Variants in HGD observed in about 807,000 individuals in gnomAD.
HGD encodes homogentisate 1,2-dioxygenase.
Under a neutral mutation model 60.8 loss-of-function variants are expected in HGD, and 61 were observed. The ratio of observed to expected loss-of-function variants is 1.00; its 90% CI spans 0.82 to 1.24. The LOEUF is 1.24. Among genes scored for constraint, HGD ranks in the 50% most tolerant of loss-of-function variants. The pLI is 0.00. For missense variants in HGD, 542 were observed against 547.1 expected, an observed-to-expected ratio of 0.99 and a Z score of 0.09; for synonymous variants, 212 against 187.7, an observed-to-expected ratio of 1.13 and a Z score of -1.06.
chr3:120,652,583 C>A lies in HGD; in HGVS notation c.342+9G>T, dbSNP rs1941376798. On this transcript the variant is annotated intron_variant, in intron 5 of 13. Coordinates refer to ENST00000283871, the MANE Select transcript of HGD (RefSeq NM_000187.4). ...AGCAGTAGGGAGGGTGTGGATGGGACTGACTTACACTCACAAAGTCTACTT... is the reference window on the plus strand; with the variant it reads ...AGCAGTAGGGAGGGTGTGGATGGGAATGACTTACACTCACAAAGTCTACTT... The A allele has an allele frequency of 6.2e-7, 1 of 1,605,918 alleles. No individual in the cohort carries two copies. Among genetic ancestry groups the A allele is most frequent in the Non-Finnish European group, 8.5e-7 (1 of 1,172,624 alleles).
Position 120,675,837 on chromosome 3 carries a change from A to T in HGD, c.42T>A (p.Cys14Ter). Residue 14 changes from cysteine to a stop codon, truncating the protein, a stop_gained, in exon 2 of 14, where the codon TGT (cysteine) becomes TGA (stop). Coordinates refer to ENST00000283871, the MANE Select transcript of HGD (RefSeq NM_000187.4). LOFTEE classifies it high-confidence loss of function. ...CTGGGCAGCGAGGATCCTCTGAAGA[A>T]CACTCATTCCCAAATCCAGAAATGT... is the stretch of plus-strand genomic sequence containing the variant. ...LKYISGFGNE[C>*]SSEDPRCPGS... 1 of 1,613,658 alleles carries T rather than the reference A, an allele frequency of 6.2e-7. No homozygotes were observed. Among genetic ancestry groups the T allele is most frequent in the Non-Finnish European group, 8.5e-7 (1 of 1,179,618 alleles).
chr3:120,661,063 G>GA (rs1559795280), intron 4 of HGD, among the ~76,000 whole-genome samples: 1 of 152,134 alleles, frequency 6.6e-6, no homozygotes, highest in South Asian at 2.1e-4. Context: ...TTTTAGAAGT[G>GA]AAAAAACTGA....
chr3:120,682,196 A>G lies in HGD; in HGVS notation c.-85T>C. On this transcript the variant is annotated 5_prime_UTR_variant, in exon 1 of 14. Coordinates refer to ENST00000283871, the MANE Select transcript of HGD (RefSeq NM_000187.4). ...ACAATGCTTCTTTCTCCTTCAAACC[A>G]CTCTTTGGATATTCCGGTTCCCACT... The G allele has an allele frequency of 7.5e-7, 1 of 1,339,382 alleles. No individual in the cohort carries two copies. The highest frequency in any genetic ancestry group is 1.1e-6 in the Non-Finnish European group (1 of 930,430). 83.0% of individuals were successfully genotyped at this position (1,339,382 alleles called of 1,614,324 possible).
chr3:120,643,517 A>G (rs1215251175), intron 10 of HGD, among the ~76,000 whole-genome samples: 1 of 152,212 alleles, frequency 6.6e-6, no homozygotes, highest in East Asian at 1.9e-4. Flanking sequence ...TAAGAGAATA[A>G]CAATATGTCT....
At chr3:120,669,600 T>C (rs1214723470) in intron 4 of HGD, among the ~76,000 whole-genome samples, 1 of 152,190 alleles carries the variant, frequency 6.6e-6, no homozygotes, top group East Asian at 1.9e-4. Flanking sequence ...TAACCTACTC[T>C]TGTGCCAATC....
chr3:120,666,958 G>A (rs144707575), intron 4 of HGD, among the ~76,000 whole-genome samples: 3,210 of 152,196 alleles, frequency 0.021, 53 homozygotes, highest in Middle Eastern at 0.051. Context: ...TTAATGATGG[G>A]AGACGTCCAG....
In HGD at chr3:120,633,262, A is replaced by G; in HGVS notation, c.1073T>C (p.Leu358Pro). 6.2e-7 allele frequency: 1 copy of G among 1,614,062 alleles called. No individual in the cohort carries two copies. The highest frequency in any genetic ancestry group is 1.1e-5 in the South Asian group (1 of 91,072). The change falls in exon 13 of 14, where the codon CTG becomes CCG. Residue 358 changes from leucine to proline, a missense_variant. Transcript: ENST00000283871. The part of the protein sequence containing the change: ...GHYEAKQGGF[L>P]PGGGSLHSTM... ...GCTGTGTAGACTCCCTCCCCCTGGC[A>G]GGAACCCACCTTGCTTTGCCTCATA... is the stretch of plus-strand genomic sequence containing the variant.
chr3:120,682,222 G>T lies in HGD; in HGVS notation c.-111C>A. ...CTCTTTGGATATTCCGGTTCCCACT[G>T]CTTCACTGCGCTTCACTGGTCAGTG... On this transcript the variant is annotated 5_prime_UTR_variant, in exon 1 of 14. Transcript: ENST00000283871. 2 of 943,572 alleles carry T rather than the reference G, an allele frequency of 2.1e-6. No homozygotes were observed. Among genetic ancestry groups the T allele is most frequent in the Non-Finnish European group, 3.5e-6 (2 of 572,334 alleles). 58.4% of individuals were successfully genotyped at this position (943,572 alleles called of 1,614,324 possible).
chr3:120,632,715 A>AT (rs1669350793), intron 13 of HGD, among the ~76,000 whole-genome samples: 1 of 152,238 alleles, frequency 6.6e-6, no homozygotes, highest in Admixed American at 6.5e-5. Flanking sequence ...CCAGGGCTGC[A>AT]TAAGGATACA....
chr3:120,649,139 C>CTTTTTTTTTTT (rs10572267), intron 6 of HGD, among the ~76,000 whole-genome samples: 4 of 94,424 alleles, frequency 4.2e-5, no homozygotes, highest in African/African-American at 7.5e-5. Flanking sequence ...TCTTCTTTTT[C>CTTTTTTTTTTT]TTTTTTTTTT....
At chr3:120,661,949 T>C (rs1215286312) in intron 4 of HGD, among the ~76,000 whole-genome samples, 1 of 152,234 alleles carries the variant, frequency 6.6e-6, no homozygotes, top group African/African-American at 2.4e-5. Context: ...CATAGAACCT[T>C]AAATACTCTG....
At chr3:120,672,447 A>T (rs1708043918) in intron 3 of HGD, among the ~76,000 whole-genome samples, 1 of 152,208 alleles carries the variant, frequency 6.6e-6, no homozygotes, top group Non-Finnish European at 1.5e-5. Flanking sequence ...ACGGAAGACC[A>T]GACCTGAATC....
At chr3:120,645,976 A>C (rs1233016719) in intron 9 of HGD, among the ~76,000 whole-genome samples, 1 of 152,164 alleles carries the variant, frequency 6.6e-6, no homozygotes, top group Non-Finnish European at 1.5e-5. Flanking sequence ...ACAGTAACCC[A>C]AACTTCTATA....
At chr3:120,640,573 T>C (rs955813518) in intron 11 of HGD, among the ~76,000 whole-genome samples, 9 of 152,216 alleles carry the variant, frequency 5.9e-5, no homozygotes, top group African/African-American at 1.2e-4. Flanking sequence ...ACAGAGAAGA[T>C]CGCATCTGTG....
intron 4 of HGD, among the ~76,000 whole-genome samples, chr3:120,663,858 G>T (rs1164846307): frequency 6.6e-6 from 1 of 151,996 alleles, no homozygotes; most frequent in East Asian, 1.9e-4. Context: ...ATGGAAAAAG[G>T]CGCAAAATAT....
At chr3:120,655,310 A>C (rs1335410925) in intron 4 of HGD, among the ~76,000 whole-genome samples, 1 of 152,162 alleles carries the variant, frequency 6.6e-6, no homozygotes. Context: ...AGAAAATGCA[A>C]CTACATTTCA....
At chr3:120,648,174 G>A (rs901583881) in intron 6 of HGD, among the ~76,000 whole-genome samples, 2 of 152,162 alleles carry the variant, frequency 1.3e-5, no homozygotes, top group Non-Finnish European at 2.9e-5. Context: ...AAAGAATAGC[G>A]ACTTGGTTAG....
At chr3:120,640,130 A>G (rs988585121) in intron 11 of HGD, among the ~76,000 whole-genome samples, 2 of 148,988 alleles carry the variant, frequency 1.3e-5, no homozygotes, top group Non-Finnish European at 3.0e-5. Flanking sequence ...AGAGAGAGAG[A>G]AAGGAAGGAA....
At chr3:120,681,056 A>G (rs1708222107) in intron 1 of HGD, among the ~76,000 whole-genome samples, 1 of 152,252 alleles carries the variant, frequency 6.6e-6, no homozygotes, top group African/African-American at 2.4e-5. Flanking sequence ...AAAGTCTTTT[A>G]CTCCGGTGTG....
Sources: allele counts gnomAD v4.1 joint callset (sites outside exome capture counted in the v4.1 genomes callset), GRCh38; gene constraint gnomAD v4.1.1; transcripts MANE v1.5; gene names NCBI Gene and HGNC (gene_info 2026-07-23, HGNC 2026-07-21).